The following GRM3 variants were observed in gnomAD, a reference collection of about 807,000 sequenced individuals.
The protein encoded by GRM3 is glutamate metabotropic receptor 3, also known as metabotropic glutamate receptor 3.
In GRM3, 26 loss-of-function variants were observed where a neutral mutation model predicts 70.5. The observed-to-expected ratio is 0.37, with a 90% CI of 0.27 to 0.51. The LOEUF is 0.51. GRM3 is among the 20% of genes least tolerant of loss of function. The pLI is 0.93. For missense variants in GRM3, 859 were observed against 1,123.8 expected (o/e 0.76, Z 3.37); for synonymous variants, 443 against 434.9 (o/e 1.02, Z -0.23).
rs185138127 is a variant in GRM3, at chr7:86,734,964, G to T, written c.-140-30042G>T. 2.8e-4 allele frequency among the ~76,000 whole-genome samples: 43 copies of T among 152,218 alleles called. 1 individual carries two copies. The highest frequency in any genetic ancestry group is 1.5e-3 in the South Asian group (7 of 4,818). The stretch of plus-strand genomic sequence containing the variant: ...TTTCTCAAATTTAAAATGTGTGAAG[G>T]CTTATTATTACTATTAGTAATGGTC... On this transcript the variant is annotated intron_variant, in intron 1 of 5. Coordinates refer to ENST00000361669, the MANE Select transcript of GRM3 (RefSeq NM_000840.3).
intron 1 of GRM3, among the ~76,000 whole-genome samples, chr7:86,747,256 T>G (rs575593173): frequency 2.0e-5 from 3 of 152,198 alleles, no homozygotes; most frequent in Non-Finnish European, 2.9e-5. Context: ...AAATTTTCTC[T>G]TCATTACAGT....
At chr7:86,690,821 T>G (rs903875292) in intron 1 of GRM3, among the ~76,000 whole-genome samples, 21 of 152,150 alleles carry the variant, frequency 1.4e-4, no homozygotes, top group African/African-American at 5.1e-4. Flanking sequence ...GAAGAAGTTA[T>G]CTGAACACAT....
intron 1 of GRM3, among the ~76,000 whole-genome samples, chr7:86,664,799 CAT>C (rs940565676): frequency 6.6e-6 from 1 of 151,970 alleles, no homozygotes; most frequent in East Asian, 1.9e-4. Flanking sequence ...CCTCTTGACA[CAT>C]GTGTGCTAGT....
intron 1 of GRM3, among the ~76,000 whole-genome samples, chr7:86,701,278 A>C (rs1471192579): frequency 6.6e-6 from 1 of 151,988 alleles, no homozygotes; most frequent in Non-Finnish European, 1.5e-5. Flanking sequence ...CTGCTAGTCT[A>C]TTAAGTAAAA....
chr7:86,832,958 G>GTTC (rs1798383853), intron 3 of GRM3: 5 of 946,870 alleles, frequency 5.3e-6, no homozygotes, highest in Non-Finnish European at 6.3e-6. Flanking sequence ...GTTTGGAGAA[G>GTTC]GTTGTAAGTC....
chr7:86,760,894 C>G (rs1163218244), intron 1 of GRM3, among the ~76,000 whole-genome samples: 1 of 151,958 alleles, frequency 6.6e-6, no homozygotes, highest in African/African-American at 2.4e-5. Flanking sequence ...ATTGTCATCC[C>G]CCAACTTATT....
intron 3 of GRM3, among the ~76,000 whole-genome samples, chr7:86,822,070 A>G (rs762230904): frequency 1.3e-5 from 2 of 152,094 alleles, no homozygotes; most frequent in Non-Finnish European, 2.9e-5. Context: ...GATTGTGCCT[A>G]TGTTGAATAA....
At chr7:86,689,684 A>G (rs1482258651) in intron 1 of GRM3, among the ~76,000 whole-genome samples, 5 of 152,140 alleles carry the variant, frequency 3.3e-5, no homozygotes, top group African/African-American at 1.2e-4. Flanking sequence ...GAATAGCTAT[A>G]AGAAGTAACT....
At position 86,839,237 on chromosome 7, in the gene GRM3, G is replaced by T; in HGVS notation, c.1723G>T (p.Ala575Ser). 6.2e-7 allele frequency: 1 copy of T among 1,613,780 alleles called. No homozygotes were observed. The highest frequency in any genetic ancestry group is 8.5e-7 in the Non-Finnish European group (1 of 1,179,684). The stretch of plus-strand genomic sequence containing the variant: ...TGAGGACTACATCAGGTGGGAAGAC[G>T]CCTGGGCCATTGGCCCAGTCACCAT... ...LPEDYIRWED[A>S]WAIGPVTIAC... Residue 575 changes from alanine to serine, a missense_variant, in exon 4 of 6, where the codon GCC (alanine) becomes TCC (serine). Ala to Ser is a moderately conservative substitution (Grantham distance 99). Coordinates refer to ENST00000361669, the MANE Select transcript of GRM3 (RefSeq NM_000840.3). The surrounding 1 kb of genome is among the most constrained non-coding windows in gnomAD (Gnocchi z 4.5).
chr7:86,789,025 A>G (rs1240990978), intron 3 of GRM3, among the ~76,000 whole-genome samples: 1 of 152,208 alleles, frequency 6.6e-6, no homozygotes. Flanking sequence ...AAAGTAAAGA[A>G]ACAAGCCCAT....
intron 1 of GRM3, among the ~76,000 whole-genome samples, chr7:86,714,455 C>A (rs1795270713): frequency 6.6e-6 from 1 of 151,756 alleles, no homozygotes; most frequent in South Asian, 2.1e-4. Context: ...TTATTCCCAC[C>A]ATACAAGATG....
intron 3 of GRM3, among the ~76,000 whole-genome samples, chr7:86,829,586 G>T (rs1798310038): frequency 6.6e-6 from 1 of 152,146 alleles, no homozygotes; most frequent in Non-Finnish European, 1.5e-5. Flanking sequence ...ATATTGTTGT[G>T]TCTCAGGGAA....
intron 2 of GRM3, among the ~76,000 whole-genome samples, chr7:86,779,311 G>C (rs557366746): frequency 2.8e-4 from 43 of 152,282 alleles, no homozygotes; most frequent in African/African-American, 9.9e-4. Flanking sequence ...AATATGACTA[G>C]TTAAAGATCC....
intron 1 of GRM3, among the ~76,000 whole-genome samples, chr7:86,721,657 G>A (rs193039596): frequency 6.6e-6 from 1 of 151,992 alleles, no homozygotes; most frequent in Non-Finnish European, 1.5e-5. Flanking sequence ...CTCTATCATC[G>A]AGCCAAAGGG....
Position 86,776,753 on chromosome 7 carries a change from T to C in GRM3, c.469-9508T>C, listed in dbSNP as rs1796902652. ...CAAGAGACATTGTCAAAAATCAATA[T>C]CTGAGGTACTAAACGATGTGTTTCT... On this transcript the variant is annotated intron_variant, in intron 2 of 5. Coordinates refer to ENST00000361669, the MANE Select transcript of GRM3 (RefSeq NM_000840.3). Among the ~76,000 whole-genome samples the C allele has an allele frequency of 2.0e-5, 3 of 152,282 alleles. No individual in the cohort carries two copies. The South Asian group carries it at 6.2e-4, about 32-fold the overall frequency.
chr7:86,768,788 T>C (rs1205188141), intron 2 of GRM3, among the ~76,000 whole-genome samples: 6 of 152,058 alleles, frequency 3.9e-5, no homozygotes, highest in African/African-American at 1.4e-4. Context: ...AGACTCTGAT[T>C]AGGCCACAGA....
At chr7:86,838,791 G>A (rs755143192) in intron 3 of GRM3, 48 bp from the exon 4 acceptor site, 2 of 1,031,452 alleles carry the variant, frequency 1.9e-6, no homozygotes, top group Admixed American at 4.4e-5. Context: ...TCACACGTAA[G>A]ACACCTAAAC....
intron 3 of GRM3, among the ~76,000 whole-genome samples, chr7:86,792,391 C>A (rs1797440486): frequency 6.6e-6 from 1 of 152,174 alleles, no homozygotes. Flanking sequence ...AAAGAGCTTC[C>A]ATTTGCTAAG....
intron 1 of GRM3, among the ~76,000 whole-genome samples, chr7:86,648,310 G>T (rs1793527300): frequency 6.6e-6 from 1 of 152,184 alleles, no homozygotes; most frequent in Non-Finnish European, 1.5e-5. Context: ...CTATGTGGAT[G>T]CACATTATGA....
Sources: gnomAD v4.1 joint callset for allele counts (sites outside exome capture counted in the v4.1 genomes callset) on GRCh38, gnomAD v4.1.1 for gene constraint, Gnocchi (gnomAD v3.1) non-coding constraint, MANE v1.5 for transcripts, NCBI Gene and HGNC (gene_info 2026-07-23, HGNC 2026-07-21) for gene names.